The following ROCK1 variants were observed in gnomAD, a reference collection of about 807,000 sequenced individuals.
The protein encoded by ROCK1 is rho-associated protein kinase 1.
Under a neutral mutation model 196.8 loss-of-function variants are expected in ROCK1, and 36 were observed. The ratio of observed to expected loss-of-function variants is 0.18; its 90% CI spans 0.14 to 0.24. ROCK1 has a LOEUF of 0.24. Ranked by LOEUF, ROCK1 falls within the 10% of genes least tolerant of loss-of-function variation. The pLI is 1.00. For missense variants in ROCK1, 920 were observed against 1,562.0 expected, an observed-to-expected ratio of 0.59 and a Z score of 6.93; for synonymous variants, 443 against 515.9, an observed-to-expected ratio of 0.86 and a Z score of 1.91.
chr18:21,035,557 T>C (rs1238389846), intron 9 of ROCK1, among the ~76,000 whole-genome samples: 2 of 152,158 alleles, frequency 1.3e-5, no homozygotes, highest in Middle Eastern at 3.4e-3. Flanking sequence ...CTCAAATTAA[T>C]AGAAAACAGG....
At chr18:20,957,157 CCTGGG>C (rs1348492810) in intron 29 of ROCK1, among the ~76,000 whole-genome samples, 3 of 152,158 alleles carry the variant, frequency 2.0e-5, no homozygotes, top group African/African-American at 7.2e-5. Flanking sequence ...GGATTCCAAT[CCTGGG>C]TATTTACCCA....
intron 27 of ROCK1, among the ~76,000 whole-genome samples, chr18:20,963,514 G>A (rs553779662): frequency 6.6e-6 from 1 of 151,852 alleles, no homozygotes; most frequent in East Asian, 1.9e-4. Flanking sequence ...TCAAATATTG[G>A]GAAACACACC....
Position 21,063,018 on chromosome 18 carries a change from C to G in ROCK1, c.175+7514G>C, listed in dbSNP as rs543216178. Among the ~76,000 whole-genome samples, 3 of 152,178 alleles carry G rather than the reference C, an allele frequency of 2.0e-5. No individual in the cohort carries two copies. The South Asian group carries it at 6.2e-4, about 32-fold the overall frequency. On this transcript the variant is annotated intron_variant, in intron 2 of 32. Coordinates refer to ENST00000399799, the MANE Select transcript of ROCK1 (RefSeq NM_005406.3). ...CTTAGTCTGTTTTTTGCTGCTATAACAGAATACCACAGAATGGGTAATTTA... is the reference window on the plus strand; with the variant it reads ...CTTAGTCTGTTTTTTGCTGCTATAAGAGAATACCACAGAATGGGTAATTTA...
rs563430939 is a variant in ROCK1 at position 21,091,003 on chromosome 18, C to T, written c.93+19815G>A. ...ATATCTGTTTTTCTGTAACAGTTGA[C>T]CCTTAAACAACATGAGTTGGAACTG... On this transcript the variant is annotated intron_variant, in intron 1 of 32. Coordinates refer to ENST00000399799, the MANE Select transcript of ROCK1 (RefSeq NM_005406.3). Among the ~76,000 whole-genome samples the T allele has an allele frequency of 5.3e-5, 8 of 151,946 alleles. No individual in the cohort carries two copies. In the East Asian group the frequency reaches 1.5e-3, roughly 29 times the overall value.
At chr18:21,066,376 A>AT (rs935570307) in intron 2 of ROCK1, among the ~76,000 whole-genome samples, 3 of 152,172 alleles carry the variant, frequency 2.0e-5, no homozygotes, top group African/African-American at 7.2e-5. Context: ...CATAGAAGTA[A>AT]TTTTTTTTCT....
intron 32 of ROCK1, 39 bp from the exon 33 acceptor site, chr18:20,951,426 A>G (rs762585640): frequency 6.4e-6 from 10 of 1,553,832 alleles, no homozygotes; most frequent in Admixed American, 1.9e-5. Context: ...TAAGAAATGC[A>G]CTCAGTTTAA....
In ROCK1 at chr18:20,970,245, T is replaced by A; in HGVS notation, c.2820+103A>T. On this transcript the variant is annotated intron_variant, in intron 23 of 32. Coordinates refer to ENST00000399799, the MANE Select transcript of ROCK1 (RefSeq NM_005406.3). The stretch of plus-strand genomic sequence containing the variant: ...ACAGAATGACCACTATGTATTAACA[T>A]AGAAGTAAATACACTTGCACACACA... The A allele has an allele frequency of 3.8e-6, 3 of 791,828 alleles. No individual in the cohort carries two copies. The East Asian group carries it at 7.9e-5, about 21-fold the overall frequency. The allele number at this position is 791,828 out of a possible 1,614,324, so 49.1% of individuals were successfully genotyped here. A position where few individuals can be genotyped will look rare whatever the true frequency, so the allele number is the denominator to read the frequency against.
chr18:21,022,766 T>C (rs1568385962), intron 11 of ROCK1, among the ~76,000 whole-genome samples: 1 of 152,186 alleles, frequency 6.6e-6, no homozygotes, highest in Non-Finnish European at 1.5e-5. Context: ...GTACCCTTTA[T>C]TGTTTCCCTC....
At chr18:21,085,436 G>A (rs902944117) in intron 1 of ROCK1, among the ~76,000 whole-genome samples, 74 of 151,670 alleles carry the variant, frequency 4.9e-4, no homozygotes, top group Non-Finnish European at 1.0e-3. Context: ...TTCGTTAGAG[G>A]AGAAGGTGCA....
At chr18:20,951,635 CAGG>C (rs1326112920) in intron 32 of ROCK1, among the ~76,000 whole-genome samples, 1 of 152,128 alleles carries the variant, frequency 6.6e-6, no homozygotes, top group Non-Finnish European at 1.5e-5. Context: ...AACCTATGCT[CAGG>C]AGAAGGCTGA....
rs2035148452 is a variant in ROCK1, at chr18:20,948,240, G to A, written c.*3144C>T. 6.6e-6 allele frequency: 1 copy of A among 152,178 alleles called. No homozygotes were observed. 9.4% of individuals were successfully genotyped at this position (152,178 alleles called of 1,614,324 possible). A position where few individuals can be genotyped will look rare whatever the true frequency, so the allele number is the denominator to read the frequency against. ...TTATAAAGTTACAGTAATTAAAAGT[G>A]TGATATTGGCAAGGACACAGAAATA... On this transcript the variant is annotated 3_prime_UTR_variant, in exon 33 of 33. Transcript: ENST00000399799.
At chr18:21,079,351 C>T (rs995609035) in intron 1 of ROCK1, among the ~76,000 whole-genome samples, 1 of 152,132 alleles carries the variant, frequency 6.6e-6, no homozygotes, top group Non-Finnish European at 1.5e-5. Flanking sequence ...TGCTTTTCAG[C>T]TGTAGTGAGG....
rs540003455 is a variant in ROCK1, at chr18:21,080,640, T to C, written c.94-10027A>G. 4.6e-5 allele frequency among the ~76,000 whole-genome samples: 7 copies of C among 151,680 alleles called. No individual in the cohort carries two copies. The South Asian group carries it at 1.5e-3, about 32-fold the overall frequency. Reference sequence around the variant, plus strand: ...AAGTCCAAAGACAAATGGTTAAAAGTGAAAGATGGGAAAAAATACTCCATG... The same window carrying C: ...AAGTCCAAAGACAAATGGTTAAAAGCGAAAGATGGGAAAAAATACTCCATG... On this transcript the variant is annotated intron_variant, in intron 1 of 32. Coordinates refer to ENST00000399799, the MANE Select transcript of ROCK1 (RefSeq NM_005406.3).
At chr18:21,100,398 C>CAA (rs113274981) in intron 1 of ROCK1, among the ~76,000 whole-genome samples, 28 of 123,110 alleles carry the variant, frequency 2.3e-4, no homozygotes, top group Non-Finnish European at 4.3e-4. Context: ...CTTACTGCAG[C>CAA]AAAAAAAAAA....
At chr18:20,969,311 T>G in intron 23 of ROCK1, 103 bp from the exon 24 acceptor site, 1 of 613,436 alleles carries the variant, frequency 1.6e-6, no homozygotes, top group Non-Finnish European at 2.8e-6. Context: ...GGTCAGACAC[T>G]GCTGAACTAC....
chr18:21,061,802 T>C (rs1188590432), intron 2 of ROCK1, among the ~76,000 whole-genome samples: 1 of 152,180 alleles, frequency 6.6e-6, no homozygotes, highest in Non-Finnish European at 1.5e-5. Context: ...ACAAAGATAT[T>C]GTGTTCCAGT....
At chr18:21,050,929 T>C (rs1386551442) in intron 2 of ROCK1, among the ~76,000 whole-genome samples, 1 of 152,190 alleles carries the variant, frequency 6.6e-6, no homozygotes, top group African/African-American at 2.4e-5. Context: ...CTTTAAAATG[T>C]AGTTCCTATT....
chr18:21,105,786 C>G (rs2036697968), intron 1 of ROCK1, among the ~76,000 whole-genome samples: 1 of 151,816 alleles, frequency 6.6e-6, no homozygotes, highest in South Asian at 2.1e-4. Flanking sequence ...AGGTTTGAAA[C>G]AAAAGACTAA....
intron 29 of ROCK1, among the ~76,000 whole-genome samples, chr18:20,956,301 C>G (rs1237779182): frequency 6.6e-6 from 1 of 152,056 alleles, no homozygotes; most frequent in Non-Finnish European, 1.5e-5. Context: ...AAAATTGTCT[C>G]TAGATAATAT....
Sources: gnomAD v4.1 joint callset for allele counts (sites outside exome capture counted in the v4.1 genomes callset) on GRCh38, gnomAD v4.1.1 for gene constraint, MANE v1.5 for transcripts, NCBI Gene and HGNC (gene_info 2026-07-23, HGNC 2026-07-21) for gene names.